PDE4D: variants seen among roughly 807,000 people sequenced by gnomAD.
The protein encoded by PDE4D is phosphodiesterase 4D.
In PDE4D, 24 loss-of-function variants were observed where a neutral mutation model predicts 87.4. The ratio of observed to expected loss-of-function variants is 0.27; its 90% CI spans 0.20 to 0.39. The LOEUF (loss-of-function observed/expected upper bound fraction) is 0.39, where lower values mean the gene tolerates loss of function less well. Ranked by LOEUF, PDE4D falls within the 10% of genes least tolerant of loss-of-function variation. PDE4D has a pLI of 1.00. For missense variants in PDE4D, 714 were observed against 1,041.0 expected, an observed-to-expected ratio of 0.69 and a Z score of 4.32; for synonymous variants, 384 against 383.2, an observed-to-expected ratio of 1.00 and a Z score of -0.02.
chr5:59,146,190 T>TA (rs910554198), intron 5 of PDE4D, among the ~76,000 whole-genome samples: 7 of 151,876 alleles, frequency 4.6e-5, no homozygotes, highest in East Asian at 3.8e-4. Flanking sequence ...CTTTTTAAAC[T>TA]AAAAAAAAAT....
At chr5:59,089,140 A>T (rs1188436411) in intron 5 of PDE4D, among the ~76,000 whole-genome samples, 3 of 152,172 alleles carry the variant, frequency 2.0e-5, no homozygotes, top group Non-Finnish European at 4.4e-5. Flanking sequence ...CCTGAGTGTT[A>T]CACTTCAAAC....
At chr5:59,686,974 T>C (rs1749977294) in intron 1 of PDE4D, among the ~76,000 whole-genome samples, 1 of 152,196 alleles carries the variant, frequency 6.6e-6, no homozygotes, top group East Asian at 1.9e-4. Flanking sequence ...TTCAGCCCTT[T>C]GGTTACTCAT....
At chr5:60,475,697 A>C (rs1212059534) in intron 1 of PDE4D, among the ~76,000 whole-genome samples, 1 of 152,144 alleles carries the variant, frequency 6.6e-6, no homozygotes, top group Non-Finnish European at 1.5e-5. Context: ...AGTAGTGTAC[A>C]AAACAGACTA....
chr5:59,974,499 A>G (rs1761101993), intron 3 of PDE4D, among the ~76,000 whole-genome samples: 1 of 152,192 alleles, frequency 6.6e-6, no homozygotes, highest in Non-Finnish European at 1.5e-5. Context: ...AAGTACTGAA[A>G]CACCAGAAGC....
intron 1 of PDE4D, among the ~76,000 whole-genome samples, chr5:59,824,505 T>C (rs545767283): frequency 6.6e-6 from 1 of 152,306 alleles, no homozygotes; most frequent in South Asian, 2.1e-4. Context: ...TAAATATTTG[T>C]TGAGTAAGAG....
At position 59,999,606 on chromosome 5, in the gene PDE4D, T is replaced by C. The variant is rs984804776; in HGVS notation, c.43-10889A>G. Among the ~76,000 whole-genome samples, 5 of 149,316 alleles carry C rather than the reference T, an allele frequency of 3.3e-5. No individual in the cohort carries two copies. In the East Asian group the frequency reaches 9.8e-4, roughly 29 times the overall value. Reference sequence around the variant, plus strand: ...GCTAATTGGTAAAAGTCTTCCCCTGTATGAAGCCAATTTATAAGGACTGAA... The same window carrying C: ...GCTAATTGGTAAAAGTCTTCCCCTGCATGAAGCCAATTTATAAGGACTGAA... On this transcript the variant is annotated intron_variant, in intron 2 of 16. Coordinates refer to the PDE4D transcript ENST00000502484.
intron 1 of PDE4D, among the ~76,000 whole-genome samples, chr5:59,218,909 T>C (rs1028347430): frequency 2.0e-5 from 3 of 151,668 alleles, no homozygotes; most frequent in Middle Eastern, 3.4e-3. Flanking sequence ...ATGGATGAAA[T>C]TGGAAATCAT....
intron 2 of PDE4D, among the ~76,000 whole-genome samples, chr5:60,045,112 C>T (rs1769047764): frequency 6.6e-6 from 1 of 152,088 alleles, no homozygotes; most frequent in Non-Finnish European, 1.5e-5. Flanking sequence ...TCTCTGATGG[C>T]CAGTGATGGT....
At chr5:59,498,937 A>G (rs904223932) in intron 1 of PDE4D, among the ~76,000 whole-genome samples, 1 of 152,166 alleles carries the variant, frequency 6.6e-6, no homozygotes, top group African/African-American at 2.4e-5. Context: ...ATAGACATCT[A>G]TAGAATACTC....
At position 59,038,072 on chromosome 5, in the gene PDE4D, T is replaced by C. The variant is rs545532569; in HGVS notation, c.921+787A>G. ...AACATACACAATTCCAATTATCTCC[T>C]TGCATAACTAAAGACAAAAAGAACA... On this transcript the variant is annotated intron_variant, in intron 6 of 14. Transcript: ENST00000340635. 2.6e-5 allele frequency among the ~76,000 whole-genome samples: 4 copies of C among 152,312 alleles called. No individual in the cohort carries two copies. The East Asian group carries it at 7.7e-4, about 29-fold the overall frequency.
At chr5:59,077,471 TCTTC>T in intron 5 of PDE4D, among the ~76,000 whole-genome samples, 1 of 120,480 alleles carries the variant, frequency 8.3e-6, no homozygotes, top group African/African-American at 2.9e-5. Flanking sequence ...ATTTTTTTTT[TCTTC>T]TTTTTTTTTT....
At chr5:59,595,996 G>A (rs567097592) in intron 1 of PDE4D, among the ~76,000 whole-genome samples, 13 of 151,310 alleles carry the variant, frequency 8.6e-5, no homozygotes, top group African/African-American at 2.9e-4. Context: ...CTGGTTTTTA[G>A]TGCTTTTTAA....
intron 1 of PDE4D, among the ~76,000 whole-genome samples, chr5:59,464,080 C>T (rs973357839): frequency 4.6e-5 from 7 of 152,216 alleles, no homozygotes; most frequent in South Asian, 2.1e-4. Flanking sequence ...ACAAAAACTG[C>T]GGAAGGCTGC....
At chr5:60,111,887 A>G (rs534487809) in intron 2 of PDE4D, among the ~76,000 whole-genome samples, 2 of 152,122 alleles carry the variant, frequency 1.3e-5, no homozygotes, top group Admixed American at 1.3e-4. Flanking sequence ...AGACTATTTT[A>G]TCCTTTTATA....
chr5:59,861,818 C>T (rs1746328950), intron 1 of PDE4D, among the ~76,000 whole-genome samples: 1 of 152,164 alleles, frequency 6.6e-6, no homozygotes. Context: ...TATGGAGCCC[C>T]AAATCTGCGT....
At chr5:59,166,837 G>A (rs1463797290) in intron 5 of PDE4D, among the ~76,000 whole-genome samples, 1 of 152,124 alleles carries the variant, frequency 6.6e-6, no homozygotes, top group East Asian at 1.9e-4. Flanking sequence ...GTATGTGTGT[G>A]TCTTATATGG....
chr5:60,435,758 A>C (rs1279581894), intron 1 of PDE4D, among the ~76,000 whole-genome samples: 3 of 151,938 alleles, frequency 2.0e-5, no homozygotes, highest in African/African-American at 7.2e-5. Flanking sequence ...TTTTTTTTAG[A>C]AATTAAAGTC....
At chr5:59,768,728 C>A in intron 1 of PDE4D, 1 of 1,162,258 alleles carries the variant, frequency 8.6e-7, no homozygotes, top group African/African-American at 1.5e-5. Flanking sequence ...TCTCCCAAGC[C>A]CCTGCCAAAG....
At chr5:59,826,999 C>T (rs947600531) in intron 1 of PDE4D, among the ~76,000 whole-genome samples, 2 of 151,954 alleles carry the variant, frequency 1.3e-5, no homozygotes, top group African/African-American at 4.8e-5. Context: ...TACACAAAAA[C>T]ATCTAGACTG....
Sources: allele counts gnomAD v4.1 joint callset (sites outside exome capture counted in the v4.1 genomes callset), GRCh38; gene constraint gnomAD v4.1.1; transcripts MANE v1.5; gene names NCBI Gene and HGNC (gene_info 2026-07-23, HGNC 2026-07-21).